The following PLCB4 variants were observed in gnomAD, a reference collection of about 807,000 sequenced individuals.
PLCB4 encodes the protein 1-phosphatidylinositol 4,5-bisphosphate phosphodiesterase beta-4.
Under a neutral mutation model 178.8 loss-of-function variants are expected in PLCB4, and 77 were observed. The observed-to-expected ratio is 0.43, with a 90% confidence interval of 0.36 to 0.52. The LOEUF (loss-of-function observed/expected upper bound fraction) is 0.52, where lower values mean the gene tolerates loss of function less well. Ranked by LOEUF, PLCB4 falls within the 20% of genes least tolerant of loss-of-function variation. The pLI is 0.00. For missense variants in PLCB4, 1,024 were observed against 1,453.4 expected (o/e 0.70, Z 4.80); for synonymous variants, 496 against 490.8 (o/e 1.01, Z -0.14).
At chr20:9,462,083 G>C (rs1214083087) in intron 35 of PLCB4, among the ~76,000 whole-genome samples, 1 of 152,178 alleles carries the variant, frequency 6.6e-6, no homozygotes, top group African/African-American at 2.4e-5. Context: ...AGCAATATTT[G>C]CTGTTCTGCA....
intron 3 of PLCB4, among the ~76,000 whole-genome samples, chr20:9,304,392 C>T (rs189318231): frequency 9.9e-5 from 15 of 151,334 alleles, no homozygotes; most frequent in Non-Finnish European, 1.6e-4. Context: ...TAATCGTGAT[C>T]GGATTTTGAG....
rs1568840462 is a variant in PLCB4 at position 9,440,009 on chromosome 20, T to G, written c.2764+2857T>G. ...TCTTAGCTATGCTTATTCAAATGTT[T>G]GGGGTTCAGCTAAAGTGTCATTGGC... On this transcript the variant is annotated intron_variant, in intron 30 of 39. Coordinates refer to ENST00000378473, the MANE Select transcript of PLCB4 (RefSeq NM_001377142.1). Among the ~76,000 whole-genome samples the G allele has an allele frequency of 3.3e-5, 5 of 152,362 alleles. No individual in the cohort carries two copies. In the South Asian group the frequency reaches 1.0e-3, roughly 32 times the overall value.
At chr20:9,390,455 C>A in intron 16 of PLCB4, 76 bp from the exon 17 acceptor site, 1 of 672,596 alleles carries the variant, frequency 1.5e-6, no homozygotes, top group Non-Finnish European at 2.7e-6. Flanking sequence ...TCTTTAATTG[C>A]CTAGTAATGG....
intron 2 of PLCB4, among the ~76,000 whole-genome samples, chr20:9,171,164 G>A (rs2093057487): frequency 6.6e-6 from 1 of 152,070 alleles, no homozygotes; most frequent in Admixed American, 6.6e-5. Context: ...TAAACGATGG[G>A]TTTATTCAGG....
intron 4 of PLCB4, among the ~76,000 whole-genome samples, chr20:9,331,710 TATTG>T (rs373125706): frequency 3.3e-4 from 50 of 152,340 alleles, no homozygotes; most frequent in African/African-American, 1.2e-3. Flanking sequence ...TAGGTTGTGA[TATTG>T]ATTAATGTTG....
At chr20:9,215,101 T>C (rs1396926687) in intron 2 of PLCB4, among the ~76,000 whole-genome samples, 1 of 151,802 alleles carries the variant, frequency 6.6e-6, no homozygotes, top group Non-Finnish European at 1.5e-5. Flanking sequence ...CATAAAAGAG[T>C]CATATAGTTT....
intron 3 of PLCB4, among the ~76,000 whole-genome samples, chr20:9,243,444 G>T (rs1459857607): frequency 6.6e-6 from 1 of 152,172 alleles, no homozygotes; most frequent in African/African-American, 2.4e-5. Flanking sequence ...CTCAAAGGAG[G>T]TCAGATCCAT....
intron 30 of PLCB4, among the ~76,000 whole-genome samples, chr20:9,441,113 A>T (rs1266235922): frequency 6.6e-6 from 1 of 152,186 alleles, no homozygotes; most frequent in Non-Finnish European, 1.5e-5. Flanking sequence ...ACTGTGTTGG[A>T]CGTCTGGGAA....
intron 2 of PLCB4, among the ~76,000 whole-genome samples, chr20:9,208,984 G>T: frequency 6.6e-6 from 1 of 152,090 alleles, no homozygotes; most frequent in East Asian, 1.9e-4. Flanking sequence ...AAACATTTTG[G>T]CCCATGTTAT....
intron 2 of PLCB4, among the ~76,000 whole-genome samples, chr20:9,118,251 G>A (rs1444171055): frequency 8.7e-6 from 1 of 114,364 alleles, no homozygotes; most frequent in Non-Finnish European, 1.6e-5. Context: ...TCCCCAGAGT[G>A]TGATATTCCC....
At chr20:9,099,003 T>C (rs1013807305) in intron 2 of PLCB4, among the ~76,000 whole-genome samples, 2 of 151,758 alleles carry the variant, frequency 1.3e-5, no homozygotes, top group African/African-American at 2.4e-5. Flanking sequence ...GAAATATATA[T>C]GAATATGAAG....
At chr20:9,187,176 T>C (rs963254238) in intron 2 of PLCB4, among the ~76,000 whole-genome samples, 1 of 152,052 alleles carries the variant, frequency 6.6e-6, no homozygotes, top group African/African-American at 2.4e-5. Flanking sequence ...CGTTTTACCA[T>C]GTCTGCCAGG....
intron 17 of PLCB4, 21 bp from the exon 18 acceptor site, chr20:9,393,567 G>C: frequency 1.3e-6 from 2 of 1,516,654 alleles, no homozygotes; most frequent in South Asian, 2.3e-5. Context: ...CCTTAATTCA[G>C]CTCTTTCTGT....
chr20:9,076,723 A>G (rs2089886779), intron 1 of PLCB4, among the ~76,000 whole-genome samples: 1 of 152,192 alleles, frequency 6.6e-6, no homozygotes. Flanking sequence ...ATGAGAGACC[A>G]CACTGGATCA....
chr20:9,097,322 G>C (rs2090956628), intron 2 of PLCB4, among the ~76,000 whole-genome samples: 1 of 150,820 alleles, frequency 6.6e-6, no homozygotes, highest in Non-Finnish European at 1.5e-5. Flanking sequence ...TGTAGTTGGG[G>C]ACTTGGTTCT....
chr20:9,469,212 C>T (rs1377530472), intron 36 of PLCB4, among the ~76,000 whole-genome samples: 1 of 152,144 alleles, frequency 6.6e-6, no homozygotes, highest in African/African-American at 2.4e-5. Flanking sequence ...AACTCCTGAC[C>T]TCAAGTGATC....
chr20:9,095,851 A>C (rs6077489), intron 1 of PLCB4, among the ~76,000 whole-genome samples: 5 of 152,112 alleles, frequency 3.3e-5, no homozygotes, highest in Non-Finnish European at 7.4e-5. Context: ...TCTGCTACCT[A>C]CACAGCCCAT....
chr20:9,333,725 G>A (rs1021489088), intron 4 of PLCB4, among the ~76,000 whole-genome samples: 4 of 152,122 alleles, frequency 2.6e-5, no homozygotes, highest in Non-Finnish European at 5.9e-5. Flanking sequence ...TATTGGTTTG[G>A]GCCAAGGTGG....
intron 2 of PLCB4, among the ~76,000 whole-genome samples, chr20:9,178,928 C>G (rs11905206): frequency 0.21 from 32,195 of 151,970 alleles, 3,565 homozygotes; most frequent in African/African-American, 0.28. Context: ...TTGGTGTTTA[C>G]ATTCTAGATA....
Sources: gnomAD v4.1 joint callset for allele counts (sites outside exome capture counted in the v4.1 genomes callset) on GRCh38, gnomAD v4.1.1 for gene constraint, MANE v1.5 for transcripts, NCBI Gene and HGNC (gene_info 2026-07-23, HGNC 2026-07-21) for gene names.